The following PRRC2C variants were observed in gnomAD, a reference collection of about 807,000 sequenced individuals.
PRRC2C encodes the protein proline rich coiled-coil 2C.
Under a neutral mutation model 317.2 loss-of-function variants are expected in PRRC2C, and 72 were observed. The ratio of observed to expected loss-of-function variants is 0.23; its 90% confidence interval spans 0.19 to 0.28. The LOEUF (loss-of-function observed/expected upper bound fraction) is 0.28, where lower values mean the gene tolerates loss of function less well. PRRC2C is among the 10% of genes least tolerant of loss of function. PRRC2C has a pLI of 1.00. For synonymous variants in PRRC2C, 1,296 were observed against 1,205.9 expected (o/e 1.07, Z -1.55); for missense variants, 3,074 against 3,459.7 (o/e 0.89, Z 2.80).
Position 171,540,532 on chromosome 1 carries a change from A to T in PRRC2C, c.3066A>T (p.Val1022=). 6.2e-7 allele frequency: 1 copy of T among 1,613,724 alleles called. No homozygotes were observed. Residue 1022 remains valine, a synonymous_variant, in exon 16 of 35, where the codon GTA becomes GTT. Transcript: ENST00000647382. ...GATCAGGTCCCATTAAAAAACCTGT[A>T]CTTAGAGATATGAAAGAGGAACGGG... ...VRRSGPIKKP[V]LRDMKEEREQ... is the part of the protein sequence containing the mutation.
Position 171,523,084 on chromosome 1 carries a change from A to T in PRRC2C, c.834-137A>T, listed in dbSNP as rs988789470. On this transcript the variant is annotated intron_variant, in intron 7 of 34. Transcript: ENST00000647382. The stretch of plus-strand genomic sequence containing the variant: ...TATTAATATTAATTTTTTCATACAC[A>T]TGTCCATGCAGAACATATTAGGTAT... 5.5e-6 allele frequency: 4 copies of T among 723,238 alleles called. No individual in the cohort carries two copies. The African/African-American group carries it at 7.1e-5, about 13-fold the overall frequency. 44.8% of individuals were successfully genotyped at this position (723,238 alleles called of 1,614,324 possible). A position where few individuals can be genotyped will look rare whatever the true frequency, so the allele number is the denominator to read the frequency against.
At chr1:171,513,310 C>A in intron 3 of PRRC2C, 138 bp downstream of exon 3, 1 of 1,004,602 alleles carries the variant, frequency 1.0e-6, no homozygotes, top group Non-Finnish European at 1.5e-6. Flanking sequence ...AGTCTTTTGA[C>A]TATAGTAACT....
At chr1:171,530,267 T>TG (rs145465873) in intron 11 of PRRC2C, among the ~76,000 whole-genome samples, 8,848 of 120,508 alleles carry the variant, frequency 0.073, 255 homozygotes, top group Non-Finnish European at 0.1. Context: ...TTTTTTTTTT[T>TG]GCGCAACAGA....
rs768162324 is a variant in PRRC2C, at chr1:171,591,728, G to T, written c.8578G>T (p.Gly2860Trp). 5.8e-5 allele frequency: 93 copies of T among 1,613,858 alleles called. No individual in the cohort carries two copies. The South Asian group carries it at 1.0e-3, about 18-fold the overall frequency. The change falls in exon 35 of 35, where the codon GGG becomes TGG. Residue 2860 changes from glycine to tryptophan, a missense_variant. By Grantham distance (184) the Gly-to-Trp change is radical. Around this residue, in one of 11 missense-constraint regions of PRRC2C, gnomAD observed 78 missense variants for 97.7 expected, o/e 0.80. Coordinates refer to ENST00000647382, the MANE Select transcript of PRRC2C (RefSeq NM_001387844.1). Reference protein sequence around the residue: ...KPPETLTDPPGVCQEKVEEKP... With the variant: ...KPPETLTDPPWVCQEKVEEKP... ...TCCTGAAACACTGACCGACCCTCCT[G>T]GGGTCTGTCAGGAAAAAGTAGAAGA...
rs544144828 is a variant in PRRC2C, at chr1:171,591,719, G to A, written c.8569G>A (p.Asp2857Asn). ...AAGTAAACCTCCTGAAACACTGACC[G>A]ACCCTCCTGGGGTCTGTCAGGAAAA... ...DSSKPPETLT[D>N]PPGVCQEKVE... is the part of the protein sequence containing the mutation. Residue 2857 changes from aspartate to asparagine, a missense_variant, in exon 35 of 35, where the codon GAC (aspartate) becomes AAC (asparagine). Physicochemically the swap from Asp to Asn is conservative, Grantham distance 23. This residue lies in a region of PRRC2C where 78 missense variants were observed against 97.7 expected (regional missense o/e 0.80). Transcript: ENST00000647382. 9 of 1,613,880 alleles carry A rather than the reference G, an allele frequency of 5.6e-6. No individual in the cohort carries two copies. In the African/African-American group the frequency reaches 8.0e-5, roughly 14 times the overall value.
chr1:171,513,916 A>C lies in PRRC2C; in HGVS notation c.291-620A>C, dbSNP rs1671839487. Among the ~76,000 whole-genome samples the C allele has an allele frequency of 2.0e-5, 3 of 152,234 alleles. No homozygotes were observed. In the South Asian group the frequency reaches 6.2e-4, roughly 31 times the overall value. On this transcript the variant is annotated intron_variant, in intron 3 of 34. Transcript: ENST00000647382. ...TATTTTATAGTAATGAGTCAGTTAT[A>C]GGTATGAGTGTCCCAGAAACACATT...
chr1:171,551,407 A>G (rs1680219666), intron 18 of PRRC2C, among the ~76,000 whole-genome samples: 1 of 152,138 alleles, frequency 6.6e-6, no homozygotes, highest in African/African-American at 2.4e-5. Flanking sequence ...CCCATTCTGT[A>G]GGTTGCCTGT....
At chr1:171,585,729 T>G (rs1649733823) in intron 30 of PRRC2C, among the ~76,000 whole-genome samples, 1 of 152,230 alleles carries the variant, frequency 6.6e-6, no homozygotes, top group African/African-American at 2.4e-5. Flanking sequence ...ATTCTTTCAG[T>G]TTCTATTCTC....
At chr1:171,539,078 C>A (rs1360311938) in intron 15 of PRRC2C, among the ~76,000 whole-genome samples, 1 of 151,484 alleles carries the variant, frequency 6.6e-6, no homozygotes, top group African/African-American at 2.4e-5. Flanking sequence ...CTCAGCTCAC[C>A]GCAACCTCCG....
chr1:171,489,886 A>G (rs972075150), intron 1 of PRRC2C, among the ~76,000 whole-genome samples: 2 of 151,938 alleles, frequency 1.3e-5, no homozygotes, highest in Admixed American at 6.6e-5. Context: ...CTTCAATTCA[A>G]CTTGCTGTCT....
chr1:171,547,336 C>T (rs1268590511), intron 17 of PRRC2C, among the ~76,000 whole-genome samples: 2 of 152,060 alleles, frequency 1.3e-5, no homozygotes, highest in South Asian at 2.1e-4. Flanking sequence ...TCCATAAATG[C>T]TACATGTAGT....
intron 18 of PRRC2C, among the ~76,000 whole-genome samples, chr1:171,550,738 A>G (rs1192347945): frequency 1.3e-5 from 2 of 151,210 alleles, no homozygotes; most frequent in South Asian, 2.1e-4. Context: ...TGTCCTTGCA[A>G]TAGTTTGCTC....
chr1:171,519,089 G>A (rs1673062258), intron 6 of PRRC2C, among the ~76,000 whole-genome samples: 1 of 151,898 alleles, frequency 6.6e-6, no homozygotes, highest in Non-Finnish European at 1.5e-5. Context: ...TTGCCATGTT[G>A]GCAAGGTTGG....
At chr1:171,566,868 G>A (rs1049089676) in intron 22 of PRRC2C, 25 bp downstream of exon 22, 2 of 1,580,992 alleles carry the variant, frequency 1.3e-6, no homozygotes, top group Non-Finnish European at 1.7e-6. Flanking sequence ...GGGATTACCA[G>A]TTCAACAGAT....
At chr1:171,573,718 G>T (rs1001819078) in intron 24 of PRRC2C, among the ~76,000 whole-genome samples, 2 of 111,138 alleles carry the variant, frequency 1.8e-5, no homozygotes, top group Non-Finnish European at 3.4e-5. Context: ...TCGTTCTGTC[G>T]CCCAGGCTGG....
At chr1:171,514,211 C>T (rs543590427) in intron 3 of PRRC2C, among the ~76,000 whole-genome samples, 1 of 152,102 alleles carries the variant, frequency 6.6e-6, no homozygotes, top group East Asian at 1.9e-4. Flanking sequence ...TAAGTGTTCA[C>T]TTCTTCAAAA....
Position 171,541,091 on chromosome 1 carries a change from CGTGGCAGGG to C in PRRC2C, c.3630_3638del (p.Gly1213_Gly1215del), listed in dbSNP as rs1677859446. The C allele has an allele frequency of 6.2e-7, 1 of 1,613,510 alleles. No homozygotes were observed. Among genetic ancestry groups the C allele is most frequent in the African/African-American group, 1.3e-5 (1 of 74,866 alleles). Reference sequence around the variant, plus strand: ...AAGCTATAGAGGTTCTTATGGAGGGCGTGGCAGGGGTGGTAGGGGACACACTCGAGATTA... The same window carrying C: ...AAGCTATAGAGGTTCTTATGGAGGGCGTGGTAGGGGACACACTCGAGATTA... On this transcript the variant is annotated inframe_deletion, in exon 16 of 35. Coordinates refer to ENST00000647382, the MANE Select transcript of PRRC2C (RefSeq NM_001387844.1). This position sits in a 1 kb window ranked among gnomAD's most constrained non-coding sequence, Gnocchi z 4.1.
intron 1 of PRRC2C, among the ~76,000 whole-genome samples, chr1:171,508,925 C>T (rs546784017): frequency 7.3e-5 from 11 of 151,632 alleles, no homozygotes; most frequent in African/African-American, 2.4e-4. Flanking sequence ...CTTGCTCTGT[C>T]GCCCAGGCTG....
In PRRC2C at chr1:171,532,918, G is replaced by A. The variant is rs188440691; in HGVS notation, c.1830G>A (p.Glu610=). 6.4e-7 allele frequency: 1 copy of A among 1,567,550 alleles called. No homozygotes were observed. The highest frequency in any genetic ancestry group is 2.3e-5 in the East Asian group (1 of 44,426). Residue 610 remains glutamate, a synonymous_variant, in exon 12 of 35, where the codon GAG becomes GAA. Coordinates refer to ENST00000647382, the MANE Select transcript of PRRC2C (RefSeq NM_001387844.1). ...TTGAACCCAGAGAACCTAATTTAGA[G>A]CCCATGGTAGAAAAACAAGAAAGTG... ...EKIEPREPNL[E]PMVEKQESEN...
Sources: allele counts gnomAD v4.1 joint callset (sites outside exome capture counted in the v4.1 genomes callset), GRCh38; gene constraint gnomAD v4.1.1; regional missense constraint gnomAD v4.1.1; non-coding constraint Gnocchi (gnomAD v3.1); transcripts MANE v1.5; gene names NCBI Gene and HGNC (gene_info 2026-07-23, HGNC 2026-07-21).